The following LINGO2 variants were observed in gnomAD, a reference collection of about 807,000 sequenced individuals.
The protein encoded by LINGO2 is leucine-rich repeat and immunoglobulin-like domain-containing nogo receptor-interacting protein 2.
In LINGO2, 14 loss-of-function variants were observed where a neutral mutation model predicts 30.6. That is an observed-to-expected ratio of 0.46 (90% confidence interval 0.30 to 0.72). The LOEUF (loss-of-function observed/expected upper bound fraction) is 0.72. Among genes scored for constraint, LINGO2 ranks in the 30% least tolerant of loss-of-function variants. LINGO2 has a pLI of 0.07. For synonymous variants in LINGO2, 317 were observed against 288.5 expected, an observed-to-expected ratio of 1.10 and a Z score of -1.00; for missense variants, 729 against 751.7, an observed-to-expected ratio of 0.97 and a Z score of 0.35.
At chr9:29,113,594 G>A in the LINGO2 span, among the ~76,000 whole-genome samples, 1 of 152,146 alleles carries the variant, frequency 6.6e-6, no homozygotes, top group Non-Finnish European at 1.5e-5. Flanking sequence ...AAGTAACATT[G>A]AGCAATCTTT....
the LINGO2 span, among the ~76,000 whole-genome samples, chr9:28,909,607 G>T: frequency 9.9e-5 from 15 of 152,052 alleles, 1 homozygote; most frequent in African/African-American, 3.6e-4. Flanking sequence ...TCAATGTCTT[G>T]GGCTTCAATA....
At chr9:28,093,408 TG>T (rs1197351837) in intron 4 of LINGO2, among the ~76,000 whole-genome samples, 2 of 152,002 alleles carry the variant, frequency 1.3e-5, no homozygotes, top group Non-Finnish European at 2.9e-5. Context: ...GACACTGCAG[TG>T]TAACTCGCTT....
chr9:28,394,403 G>C (rs1464919665), intron 2 of LINGO2, among the ~76,000 whole-genome samples: 1 of 152,110 alleles, frequency 6.6e-6, no homozygotes, highest in East Asian at 1.9e-4. Context: ...AGTGAGAAAA[G>C]CCTTTTCCTC....
chr9:28,595,019 T>C (rs1825107954), intron 1 of LINGO2, among the ~76,000 whole-genome samples: 1 of 152,112 alleles, frequency 6.6e-6, no homozygotes, highest in Admixed American at 6.6e-5. Flanking sequence ...AGTCATTACC[T>C]GACAATCTGC....
the LINGO2 span, among the ~76,000 whole-genome samples, chr9:28,805,709 T>C: frequency 6.6e-6 from 1 of 152,174 alleles, no homozygotes; most frequent in South Asian, 2.1e-4. Context: ...CTAAGATTGC[T>C]GTCTGGAAGG....
intron 1 of LINGO2, among the ~76,000 whole-genome samples, chr9:28,593,909 A>C (rs1344804274): frequency 6.6e-6 from 1 of 152,080 alleles, no homozygotes; most frequent in Non-Finnish European, 1.5e-5. Flanking sequence ...AGCAGCTTAA[A>C]TTGTAGGAGA....
At chr9:28,201,183 C>T (rs1419205175) in intron 4 of LINGO2, among the ~76,000 whole-genome samples, 40 of 149,192 alleles carry the variant, frequency 2.7e-4, no homozygotes, top group Non-Finnish European at 1.5e-4. Flanking sequence ...CCCACTAACT[C>T]GTCATCTAGC....
intron 1 of LINGO2, among the ~76,000 whole-genome samples, chr9:28,662,035 C>T (rs1828604325): frequency 6.6e-6 from 1 of 152,160 alleles, no homozygotes; most frequent in Admixed American, 6.5e-5. Context: ...ACTGATTCTC[C>T]CACAGGGAAC....
At position 28,514,259 on chromosome 9, in the gene LINGO2, G is replaced by C. The variant is rs1820531007; in HGVS notation, c.-364-38234C>G. Among the ~76,000 whole-genome samples the C allele has an allele frequency of 2.0e-5, 3 of 152,032 alleles. No individual in the cohort carries two copies. The South Asian group carries it at 6.2e-4, about 32-fold the overall frequency. ...TTAGGCCAATGAGTAACCCTACAAT[G>C]GCTTCTAAGTGTTCAAGTGAAAAGA... On this transcript the variant is annotated intron_variant, in intron 1 of 5. Transcript: ENST00000379992.
chr9:29,080,096 C>G, the LINGO2 span, among the ~76,000 whole-genome samples: 1 of 151,970 alleles, frequency 6.6e-6, no homozygotes, highest in Non-Finnish European at 1.5e-5. Flanking sequence ...GGTTGGTAGG[C>G]TATTAATTAT....
At chr9:28,407,485 C>T (rs1345100932) in intron 2 of LINGO2, among the ~76,000 whole-genome samples, 1 of 152,114 alleles carries the variant, frequency 6.6e-6, no homozygotes, top group African/African-American at 2.4e-5. Flanking sequence ...GCACATTTCT[C>T]AGCTCACCTA....
chr9:28,480,253 A>G (rs1307400781), intron 1 of LINGO2, among the ~76,000 whole-genome samples: 3 of 151,738 alleles, frequency 2.0e-5, no homozygotes, highest in Non-Finnish European at 4.4e-5. Flanking sequence ...CATTTTCTTC[A>G]TTATTTGAGA....
intron 4 of LINGO2, among the ~76,000 whole-genome samples, chr9:28,223,111 G>T (rs1465493336): frequency 1.3e-5 from 2 of 152,174 alleles, no homozygotes; most frequent in African/African-American, 4.8e-5. Context: ...AACCACTGTG[G>T]ACTACTGAAG....
At chr9:28,015,265 A>C (rs1179946471) in intron 4 of LINGO2, among the ~76,000 whole-genome samples, 2 of 152,190 alleles carry the variant, frequency 1.3e-5, no homozygotes, top group Non-Finnish European at 2.9e-5. Context: ...AAGGTTTAGC[A>C]AAAGCAGGCC....
intron 4 of LINGO2, among the ~76,000 whole-genome samples, chr9:28,210,253 T>C (rs773688035): frequency 5.9e-5 from 9 of 151,692 alleles, no homozygotes; most frequent in Non-Finnish European, 1.2e-4. Flanking sequence ...TAAGTAAATA[T>C]ATACAGCTCA....
At chr9:28,695,555 G>T in the LINGO2 span, among the ~76,000 whole-genome samples, 1 of 151,850 alleles carries the variant, frequency 6.6e-6, no homozygotes. Context: ...AAACAATGAA[G>T]TGATGGAAAG....
chr9:28,771,983 G>T, the LINGO2 span, among the ~76,000 whole-genome samples: 1 of 152,112 alleles, frequency 6.6e-6, no homozygotes, highest in Non-Finnish European at 1.5e-5. Context: ...AAGACAAGGA[G>T]TATATCTACC....
chr9:28,032,282 A>G (rs1177109128), intron 4 of LINGO2, among the ~76,000 whole-genome samples: 2 of 152,002 alleles, frequency 1.3e-5, no homozygotes, highest in African/African-American at 4.8e-5. Context: ...TTGAGGAAGC[A>G]TTTGTTGCTC....
chr9:29,150,881 G>A, the LINGO2 span, among the ~76,000 whole-genome samples: 11 of 152,192 alleles, frequency 7.2e-5, 1 homozygote, highest in African/African-American at 2.6e-4. Context: ...AGGTTGACAT[G>A]CACATTCAGT....
Sources: gnomAD v4.1 joint callset for allele counts (sites outside exome capture counted in the v4.1 genomes callset) on GRCh38, gnomAD v4.1.1 for gene constraint, MANE v1.5 for transcripts, NCBI Gene and HGNC (gene_info 2026-07-23, HGNC 2026-07-21) for gene names.